The following VWA3A variants were observed in gnomAD, a reference collection of about 807,000 sequenced individuals.
VWA3A encodes von Willebrand factor A domain-containing protein 3A.
In VWA3A, 134 loss-of-function variants were observed where a neutral mutation model predicts 160.4. That is an observed-to-expected ratio of 0.84 (90% CI 0.73 to 0.96). The LOEUF is 0.96. Ranked by LOEUF, VWA3A falls within the 40% of genes least tolerant of loss-of-function variation. The pLI, the probability that VWA3A is intolerant of heterozygous loss-of-function variation, is 0.00. For missense variants in VWA3A, 1,310 were observed against 1,447.9 expected (o/e 0.90, Z 1.55); for synonymous variants, 476 against 543.4 (o/e 0.88, Z 1.72).
intron 21 of VWA3A, among the ~76,000 whole-genome samples, chr16:22,136,555 G>A (rs1272025233): frequency 6.6e-6 from 1 of 152,050 alleles, no homozygotes; most frequent in Non-Finnish European, 1.5e-5. Context: ...AGCCTGTGAA[G>A]GAGACTCCTG....
chr16:22,096,476 G>A (rs1376507556), intron 1 of VWA3A, among the ~76,000 whole-genome samples: 3 of 152,056 alleles, frequency 2.0e-5, no homozygotes, highest in Non-Finnish European at 1.5e-5. Flanking sequence ...TTTAAAAATG[G>A]CCGGGCGTGG....
chr16:22,121,011 C>A lies in VWA3A; in HGVS notation c.1160C>A (p.Pro387His), dbSNP rs1567206046. 1 of 1,613,976 alleles carries A rather than the reference C, an allele frequency of 6.2e-7. No individual in the cohort carries two copies. Among genetic ancestry groups the A allele is most frequent in the Non-Finnish European group, 8.5e-7 (1 of 1,179,890 alleles). Residue 387 changes from proline to histidine, a missense_variant, in exon 13 of 34, where the codon CCT becomes CAT. Transcript: ENST00000389398. ...AATGGGCCACTCATAAGCCTCTTGC[C>A]TAAACCCCCAAAGCATGACGCTCCT... Reference protein sequence around the residue: ...ITNGPLISLLPKPPKHDAPLT... With the variant: ...ITNGPLISLLHKPPKHDAPLT...
intron 13 of VWA3A, 86 bp from the exon 14 acceptor site, chr16:22,121,428 A>C: frequency 8.9e-7 from 1 of 1,126,426 alleles, no homozygotes; most frequent in Non-Finnish European, 1.3e-6. Flanking sequence ...TGGGTGACAG[A>C]GCAAAACCCT....
At chr16:22,100,833 C>G (rs1199049643) in intron 5 of VWA3A, among the ~76,000 whole-genome samples, 1 of 145,158 alleles carries the variant, frequency 6.9e-6, no homozygotes, top group Non-Finnish European at 1.5e-5. Flanking sequence ...AAGAGCATAA[C>G]TCTGTCTCAA....
In VWA3A at chr16:22,142,530, T is replaced by TCTGTGGTG. The variant is rs771968902; in HGVS notation, c.2495-138_2495-137insCTGTGGTG. 9.4e-5 allele frequency: 58 copies of TCTGTGGTG among 616,620 alleles called. 1 individual carries two copies. Among genetic ancestry groups the TCTGTGGTG allele is most frequent in the South Asian group, 5.1e-4 (27 of 52,902 alleles). The allele number at this position is 616,620 out of a possible 1,614,324, so 38.2% of individuals were successfully genotyped here. ...CCTCTCACCAGAGAGAGCATTGATC[T>TCTGTGGTG]ATTCATGAGGGATCCGTTCCCATGA... On this transcript the variant is annotated intron_variant, in intron 24 of 33. Transcript: ENST00000389398.
chr16:22,120,829 G>T, intron 12 of VWA3A, 139 bp from the exon 13 acceptor site: 1 of 1,059,078 alleles, frequency 9.4e-7, no homozygotes, highest in Non-Finnish European at 1.3e-6. Flanking sequence ...GATGATGGAA[G>T]GGAAAGGCAA....
At position 22,096,940 on chromosome 16, in the gene VWA3A, C is replaced by G; in HGVS notation, c.96C>G (p.Asn32Lys). The G allele has an allele frequency of 6.6e-7, 1 of 1,518,788 alleles. No individual in the cohort carries two copies. Among genetic ancestry groups the G allele is most frequent in the Non-Finnish European group, 8.9e-7 (1 of 1,119,994 alleles). The allele number at this position is 1,518,788 out of a possible 1,614,324, so 94.1% of individuals were successfully genotyped here. A position where few individuals can be genotyped will look rare whatever the true frequency, so the allele number is the denominator to read the frequency against. Residue 32 changes from asparagine to lysine, a missense_variant, in exon 2 of 34, where the codon AAC (asparagine) becomes AAG (lysine). By Grantham distance (94) the Asn-to-Lys change is moderately conservative (BLOSUM62 0). Transcript: ENST00000389398. ...GTCAAGAAAATATGTTTCTGGAAAA[C>G]CATTGGTAAGCATAGTTCTCTGATT... is the stretch of plus-strand genomic sequence containing the variant. The part of the protein sequence containing the change: ...FHGQENMFLE[N>K]HCIRRNTGRD...
chr16:22,118,086 G>C (rs1438977961), intron 11 of VWA3A, among the ~76,000 whole-genome samples: 1 of 152,142 alleles, frequency 6.6e-6, no homozygotes, highest in Non-Finnish European at 1.5e-5. Flanking sequence ...TTTGAGACTA[G>C]CCTAGGCAAT....
intron 6 of VWA3A, among the ~76,000 whole-genome samples, chr16:22,105,018 G>A (rs150198651): frequency 1.3e-4 from 20 of 152,146 alleles, no homozygotes; most frequent in East Asian, 3.9e-4. Flanking sequence ...TGCCTGTCCC[G>A]CCAATTCCAG....
chr16:22,154,452 C>A (rs1361646352), intron 31 of VWA3A, among the ~76,000 whole-genome samples: 1 of 150,554 alleles, frequency 6.6e-6, no homozygotes. Context: ...TCTCAGCCTC[C>A]CGAGTAGCTA....
intron 28 of VWA3A, among the ~76,000 whole-genome samples, 187 bp downstream of exon 28, chr16:22,148,493 G>A (rs775055529): frequency 3.9e-5 from 6 of 152,090 alleles, no homozygotes; most frequent in Non-Finnish European, 8.8e-5. Context: ...TTTAGAGGCC[G>A]GGTATGGTGG....
chr16:22,141,534 G>A, intron 23 of VWA3A, 48 bp from the exon 24 acceptor site: 2 of 1,527,866 alleles, frequency 1.3e-6, no homozygotes, highest in Non-Finnish European at 1.8e-6. Context: ...CAGCTGTATT[G>A]CAAGAATGCA....
chr16:22,093,235 G>A (rs1901400116), intron 1 of VWA3A, among the ~76,000 whole-genome samples: 1 of 152,152 alleles, frequency 6.6e-6, no homozygotes, highest in South Asian at 2.1e-4. Context: ...GTATGTTTAT[G>A]TAGGAGGGGT....
At chr16:22,139,325 T>A (rs1399210763) in intron 22 of VWA3A, among the ~76,000 whole-genome samples, 1 of 152,072 alleles carries the variant, frequency 6.6e-6, no homozygotes, top group Non-Finnish European at 1.5e-5. Flanking sequence ...CCAGGCCGGG[T>A]GCTCCCCAGA....
chr16:22,142,722 C>T lies in VWA3A; in HGVS notation c.2549C>T (p.Ser850Phe). 1 of 1,576,054 alleles carries T rather than the reference C, an allele frequency of 6.3e-7. No individual in the cohort carries two copies. Among genetic ancestry groups the T allele is most frequent in the Non-Finnish European group, 8.6e-7 (1 of 1,159,984 alleles). The change falls in exon 25 of 34, where the codon TCT (serine) becomes TTT (phenylalanine). Residue 850 changes from serine to phenylalanine, a missense_variant. Coordinates refer to ENST00000389398, the MANE Select transcript of VWA3A (RefSeq NM_173615.5). ...QGRGLRRTSS[S>F]IDLPRKDTVC... Reference sequence around the variant, plus strand: ...AGGGGCTTGAGAAGGACTAGCTCTTCTATTGACTTACCCAGAAAGGATACA... The same window carrying T: ...AGGGGCTTGAGAAGGACTAGCTCTTTTATTGACTTACCCAGAAAGGATACA...
chr16:22,154,188 C>G (rs1303873576), intron 31 of VWA3A, among the ~76,000 whole-genome samples: 1 of 152,026 alleles, frequency 6.6e-6, no homozygotes, highest in Non-Finnish European at 1.5e-5. Context: ...CACAGGAAAA[C>G]AAGTGATGAT....
Position 22,131,665 on chromosome 16 carries a change from A to G in VWA3A, c.1808A>G (p.Asp603Gly). 1 of 1,614,012 alleles carries G rather than the reference A, an allele frequency of 6.2e-7. No individual in the cohort carries two copies. Among genetic ancestry groups the G allele is most frequent in the African/African-American group, 1.3e-5 (1 of 75,072 alleles). ...LRKAVEVDFK[D>G]KDKHQSQGIY... The stretch of plus-strand genomic sequence containing the variant: ...AAGGCTGTGGAAGTAGACTTCAAGG[A>G]CAAAGACAAACACCAATCGCAGGGA... The change falls in exon 19 of 34, where the codon GAC becomes GGC. Residue 603 changes from aspartate to glycine, a missense_variant. Asp to Gly is a moderately conservative substitution (Grantham distance 94). Coordinates refer to ENST00000389398, the MANE Select transcript of VWA3A (RefSeq NM_173615.5).
intron 8 of VWA3A, among the ~76,000 whole-genome samples, chr16:22,111,622 T>C (rs4783356): frequency 0.56 from 84,587 of 152,092 alleles, 27,338 homozygotes; most frequent in African/African-American, 0.88. Context: ...GCTGAGATTA[T>C]AGGCATGCAC....
intron 7 of VWA3A, 139 bp downstream of exon 7, chr16:22,109,719 C>A: frequency 1.4e-6 from 1 of 693,374 alleles, no homozygotes; most frequent in East Asian, 2.6e-5. Context: ...TTAATTAGCA[C>A]CTGTGGTTAG....
Sources: allele counts gnomAD v4.1 joint callset (sites outside exome capture counted in the v4.1 genomes callset), GRCh38; gene constraint gnomAD v4.1.1; transcripts MANE v1.5; gene names NCBI Gene and HGNC (gene_info 2026-07-23, HGNC 2026-07-21).